MGLL: variants seen among roughly 807,000 people sequenced by gnomAD.
The protein encoded by MGLL is lysophospholipase homolog.
Under a neutral mutation model 29.1 loss-of-function variants are expected in MGLL, and 7 were observed. The ratio of observed to expected loss-of-function variants is 0.24; its 90% CI spans 0.14 to 0.45. The LOEUF is 0.45. Among genes scored for constraint, MGLL ranks in the 20% least tolerant of loss-of-function variants. The pLI, the probability that MGLL is intolerant of heterozygous loss-of-function variation, is 0.99. For synonymous variants in MGLL, 148 were observed against 168.3 expected (o/e 0.88, Z 0.93); for missense variants, 356 against 413.6 (o/e 0.86, Z 1.21).
chr3:127,707,989 A>T (rs915560745), intron 6 of MGLL, among the ~76,000 whole-genome samples: 1 of 151,958 alleles, frequency 6.6e-6, no homozygotes, highest in African/African-American at 2.4e-5. Context: ...GGGCCTGTGC[A>T]CTCTTGAGTC....
In MGLL at chr3:127,731,941, A is replaced by T. The variant is rs114191216; in HGVS notation, c.263-9375T>A. Among the ~76,000 whole-genome samples, 737 of 152,314 alleles carry T rather than the reference A, an allele frequency of 4.8e-3. 5 individuals are homozygous for T. The highest frequency in any genetic ancestry group is 0.02 in the Middle Eastern group (6 of 294). On this transcript the variant is annotated intron_variant, in intron 3 of 7. Transcript: ENST00000265052. ...ACTGCATTCGATGCGAAGTATAATA[A>T]ATTCGTGATAATCCTTTGTTGAATG... is the stretch of plus-strand genomic sequence containing the variant.
intron 3 of MGLL, among the ~76,000 whole-genome samples, chr3:127,735,436 A>G (rs907016378): frequency 3.3e-5 from 5 of 152,270 alleles, no homozygotes; most frequent in Admixed American, 6.5e-5. Context: ...CTAGAGCTGC[A>G]CAAAGCAGCA....
chr3:127,747,230 G>T (rs2076464385), intron 3 of MGLL, among the ~76,000 whole-genome samples: 1 of 152,126 alleles, frequency 6.6e-6, no homozygotes, highest in South Asian at 2.1e-4. Flanking sequence ...AGGCCTCCAG[G>T]CAGCAACCAC....
At chr3:127,802,728 GC>G (rs1318991058) in intron 2 of MGLL, among the ~76,000 whole-genome samples, 6 of 152,204 alleles carry the variant, frequency 3.9e-5, no homozygotes, top group African/African-American at 7.2e-5. Flanking sequence ...CGGGGCCCTG[GC>G]CGGTTTTGAA....
chr3:127,743,259 A>G (rs747165451), intron 3 of MGLL, among the ~76,000 whole-genome samples: 6 of 152,144 alleles, frequency 3.9e-5, no homozygotes, highest in Non-Finnish European at 7.3e-5. Context: ...TTTAACCTCA[A>G]TGCTTTATTG....
Position 127,713,572 on chromosome 3 carries a change from T to C in MGLL, c.511-2907A>G, listed in dbSNP as rs2075760006. On this transcript the variant is annotated intron_variant, in intron 5 of 7. Coordinates refer to ENST00000265052, the MANE Select transcript of MGLL (RefSeq NM_007283.7). ...GCCCAGGGACCCAGCACCTCAGCAG[T>C]GCCTGCCACAGAGGTGAAAGCAAGA... 2.0e-5 allele frequency: 3 copies of C among 152,308 alleles called. No homozygotes were observed. The South Asian group carries it at 6.2e-4, about 32-fold the overall frequency. The allele number at this position is 152,308 out of a possible 1,614,324, so 9.4% of individuals were successfully genotyped here. A position where few individuals can be genotyped will look rare whatever the true frequency, so the allele number is the denominator to read the frequency against.
chr3:127,712,739 C>G (rs1350859987), intron 5 of MGLL: 3 of 152,266 alleles, frequency 2.0e-5, no homozygotes, highest in East Asian at 1.9e-4. Flanking sequence ...TCGGAAGCCT[C>G]GAAGGGTGGC....
intron 3 of MGLL, among the ~76,000 whole-genome samples, chr3:127,747,799 C>G (rs947434352): frequency 6.6e-6 from 1 of 152,148 alleles, no homozygotes; most frequent in Non-Finnish European, 1.5e-5. Flanking sequence ...GCCCAGAAAC[C>G]GTGATTGGAG....
chr3:127,727,463 G>T (rs1427647356), intron 3 of MGLL, among the ~76,000 whole-genome samples: 1 of 151,998 alleles, frequency 6.6e-6, no homozygotes, highest in African/African-American at 2.4e-5. Context: ...TGTAATCCCA[G>T]CACTTTGGGA....
intron 2 of MGLL, among the ~76,000 whole-genome samples, chr3:127,784,902 T>C (rs1176758482): frequency 3.3e-5 from 5 of 152,182 alleles, no homozygotes; most frequent in Admixed American, 3.3e-4. Context: ...TTCCAGAAAC[T>C]TCGCATTGCA....
At chr3:127,784,652 G>A (rs781668869) in intron 2 of MGLL, among the ~76,000 whole-genome samples, 7 of 152,072 alleles carry the variant, frequency 4.6e-5, no homozygotes, top group Admixed American at 2.0e-4. Flanking sequence ...CCCCAGGCCC[G>A]GTCAGCACCC....
intron 3 of MGLL, among the ~76,000 whole-genome samples, chr3:127,772,301 C>T (rs912291163): frequency 2.6e-5 from 4 of 152,340 alleles, no homozygotes; most frequent in South Asian, 2.1e-4. Flanking sequence ...GCAGACAGCA[C>T]GCTGCATTGG....
chr3:127,758,031 C>T (rs1436018824), intron 3 of MGLL, among the ~76,000 whole-genome samples: 2 of 152,180 alleles, frequency 1.3e-5, no homozygotes, highest in South Asian at 2.1e-4. Context: ...TGCACACGAC[C>T]TCTGTCTCCT....
In MGLL at chr3:127,710,528, TG is replaced by T. The variant is rs780404340; in HGVS notation, c.600+47del. The T allele has an allele frequency of 3.5e-6, 5 of 1,439,884 alleles. No individual in the cohort carries two copies. The South Asian group carries it at 4.9e-5, about 14-fold the overall frequency. The allele number at this position is 1,439,884 out of a possible 1,614,324, so 89.2% of individuals were successfully genotyped here. A position where few individuals can be genotyped will look rare whatever the true frequency, so the allele number is the denominator to read the frequency against. ...CTGGAGCCAAAACTCTGATTCCCCA[TG>T]GGGGCAGCCACCCAAGCTACCCCTG... On this transcript the variant is annotated intron_variant, in intron 6 of 7. Coordinates refer to ENST00000265052, the MANE Select transcript of MGLL (RefSeq NM_007283.7).
chr3:127,776,176 G>A (rs376990783), intron 3 of MGLL, among the ~76,000 whole-genome samples: 1 of 152,092 alleles, frequency 6.6e-6, no homozygotes, highest in South Asian at 2.1e-4. Flanking sequence ...GTCTCCTGGT[G>A]GCCTTCCATC....
At chr3:127,789,024 G>C (rs1318327686) in intron 2 of MGLL, among the ~76,000 whole-genome samples, 6 of 152,196 alleles carry the variant, frequency 3.9e-5, no homozygotes, top group Non-Finnish European at 7.3e-5. Context: ...TGCTTTGCCT[G>C]GCTAGAGAGG....
At chr3:127,799,113 T>C (rs887349850) in intron 2 of MGLL, among the ~76,000 whole-genome samples, 4 of 152,122 alleles carry the variant, frequency 2.6e-5, no homozygotes, top group African/African-American at 9.7e-5. Context: ...TCATAGAACA[T>C]GTAATGCAAA....
intron 3 of MGLL, among the ~76,000 whole-genome samples, chr3:127,752,192 G>A (rs149857532): frequency 0.022 from 3,364 of 152,078 alleles, 139 homozygotes; most frequent in African/African-American, 0.076. Context: ...TGCCTCCTGG[G>A]TTCAAGAAAT....
At chr3:127,782,149 G>A (rs1229778384) in intron 2 of MGLL, among the ~76,000 whole-genome samples, 1 of 152,152 alleles carries the variant, frequency 6.6e-6, no homozygotes, top group Non-Finnish European at 1.5e-5. Flanking sequence ...TTGAACCCAG[G>A]AGGCAGAGAT....
Sources: allele counts gnomAD v4.1 joint callset (sites outside exome capture counted in the v4.1 genomes callset), GRCh38; gene constraint gnomAD v4.1.1; transcripts MANE v1.5; gene names NCBI Gene and HGNC (gene_info 2026-07-23, HGNC 2026-07-21).